Variants in SLC12A6 observed in about 807,000 individuals in gnomAD.
The protein encoded by SLC12A6 is solute carrier family 12 member 6.
A neutral mutation model predicts 135.3 loss-of-function variants in SLC12A6; 66 were observed. That is an observed-to-expected ratio of 0.49 (90% CI 0.40 to 0.60). SLC12A6 has a LOEUF of 0.60. Ranked by LOEUF, SLC12A6 falls within the 20% of genes least tolerant of loss-of-function variation. SLC12A6 has a pLI of 0.00. For synonymous variants in SLC12A6, 513 were observed against 508.8 expected (o/e 1.01, Z -0.11); for missense variants, 1,058 against 1,452.3 (o/e 0.73, Z 4.41).
chr15:34,249,274 A>T (rs1892219696), intron 13 of SLC12A6, among the ~76,000 whole-genome samples: 2 of 152,188 alleles, frequency 1.3e-5, no homozygotes. Flanking sequence ...ATAATAGCGG[A>T]AAGGGCTGGG....
chr15:34,235,946 C>T, intron 24 of SLC12A6, 69 bp downstream of exon 24: 1 of 1,209,668 alleles, frequency 8.3e-7, no homozygotes, highest in Non-Finnish European at 1.2e-6. Context: ...TCCTGTGTGT[C>T]CAGGCAAAGT....
chr15:34,300,026 A>G (rs1288217239), intron 2 of SLC12A6, among the ~76,000 whole-genome samples: 1 of 152,200 alleles, frequency 6.6e-6, no homozygotes, highest in Non-Finnish European at 1.5e-5. Flanking sequence ...AGACTAAATG[A>G]GCAAAAATCG....
chr15:34,277,127 C>A (rs2075874858), intron 2 of SLC12A6, among the ~76,000 whole-genome samples: 1 of 152,162 alleles, frequency 6.6e-6, no homozygotes, highest in Non-Finnish European at 1.5e-5. Context: ...ACTTATCTTA[C>A]TTCCCATCTA....
chr15:34,242,578 C>G (rs1439935300), intron 16 of SLC12A6, among the ~76,000 whole-genome samples: 2 of 152,196 alleles, frequency 1.3e-5, no homozygotes, highest in East Asian at 1.9e-4. Context: ...TATCAGTCAT[C>G]TGCAGTTATG....
At position 34,233,947 on chromosome 15, in the gene SLC12A6, G is replaced by C. The variant is rs777174639; in HGVS notation, c.3387C>G (p.Thr1129=). ...CAAGTAGGACTCGCTCTAGTCCCTC[G>C]GTAAGCACCTCTAGGAACTCCATGT... is the stretch of plus-strand genomic sequence containing the variant. ...ENYMEFLEVL[T]EGLERVLLVR... Residue 1129 remains threonine, a synonymous_variant, in exon 26 of 26, where the codon ACC becomes ACG. Transcript: ENST00000354181. The C allele has an allele frequency of 1.5e-5, 24 of 1,601,452 alleles. No individual in the cohort carries two copies. Among genetic ancestry groups the C allele is most frequent in the Non-Finnish European group, 2.0e-5 (23 of 1,168,606 alleles).
In SLC12A6 at chr15:34,300,789, G is replaced by T. The variant is rs112804111; in HGVS notation, c.272-25400C>A. On this transcript the variant is annotated intron_variant, in intron 2 of 25. Coordinates refer to ENST00000354181, the MANE Select transcript of SLC12A6 (RefSeq NM_001365088.1). ...CTGGCCTGGGAGACAGAGTGACTCC[G>T]TCTCAAAAAAAAAAAAAAAAAAAAA... 7.1e-5 allele frequency among the ~76,000 whole-genome samples: 7 copies of T among 98,386 alleles called. No individual in the cohort carries two copies. The East Asian group carries it at 1.6e-3, about 23-fold the overall frequency. 64.5% of individuals were successfully genotyped at this position (98,386 alleles called of 152,430 possible). A position where few individuals can be genotyped will look rare whatever the true frequency, so the allele number is the denominator to read the frequency against.
chr15:34,336,347 G>C (rs75634510), intron 2 of SLC12A6, 63 bp downstream of exon 2: 1 of 1,259,666 alleles, frequency 7.9e-7, no homozygotes, highest in Non-Finnish European at 1.2e-6. Flanking sequence ...CAGATCCATA[G>C]ATGGTCATCT....
At chr15:34,247,933 G>A (rs1311519835) in intron 13 of SLC12A6, among the ~76,000 whole-genome samples, 2 of 152,146 alleles carry the variant, frequency 1.3e-5, no homozygotes, top group Admixed American at 6.5e-5. Context: ...GGGAACTCCT[G>A]ACCTCAAACA....
chr15:34,291,540 T>C (rs1366313731), intron 2 of SLC12A6, among the ~76,000 whole-genome samples: 2 of 152,212 alleles, frequency 1.3e-5, no homozygotes, highest in African/African-American at 4.8e-5. Context: ...CCTTGCTAGG[T>C]TGGGGATGTT....
chr15:34,245,796 A>G lies in SLC12A6; in HGVS notation c.1721T>C (p.Ile574Thr), dbSNP rs775386922. 28 of 1,613,544 alleles carry G rather than the reference A, an allele frequency of 1.7e-5. No homozygotes were observed. Among genetic ancestry groups the G allele is most frequent in the Admixed American group, 3.3e-5 (2 of 60,006 alleles). Residue 574 changes from isoleucine to threonine, a missense_variant, in exon 14 of 26, where the codon ATT becomes ACT. Physicochemically the swap from Ile to Thr is moderately conservative, Grantham distance 89. Transcript: ENST00000354181. ...LSWPSPWVIV[I>T]GSFFSTCGAG... is the part of the protein sequence containing the mutation. The stretch of plus-strand genomic sequence containing the variant: ...CCCACATGTTGAAAAGAAGGAGCCA[A>G]TAACAATCACCCATGGGGATGGCCA...
At chr15:34,261,125 T>G in intron 3 of SLC12A6, 105 bp from the exon 4 acceptor site, 2 of 729,284 alleles carry the variant, frequency 2.7e-6, no homozygotes, top group East Asian at 2.5e-5. Flanking sequence ...TAACCCATTT[T>G]CATATTCAAA....
chr15:34,336,373 G>A (rs1435044677), intron 2 of SLC12A6, 37 bp downstream of exon 2: 3 of 1,545,356 alleles, frequency 1.9e-6, no homozygotes, highest in Non-Finnish European at 2.7e-6. Flanking sequence ...AAAGAACCCA[G>A]TAATGAAAGT....
chr15:34,269,896 G>A (rs547971942), intron 3 of SLC12A6, among the ~76,000 whole-genome samples: 4 of 152,250 alleles, frequency 2.6e-5, no homozygotes, highest in East Asian at 1.9e-4. Context: ...AATTGTTGAT[G>A]AGTAATGCCT....
chr15:34,334,070 C>CAA (rs142330391), intron 2 of SLC12A6, among the ~76,000 whole-genome samples: 11 of 80,078 alleles, frequency 1.4e-4, no homozygotes, highest in Admixed American at 2.7e-4. Flanking sequence ...AACTCCATCT[C>CAA]AAAAAAAAAA....
intron 12 of SLC12A6, 136 bp from the exon 13 acceptor site, chr15:34,250,491 T>C: frequency 1.2e-6 from 1 of 835,292 alleles, no homozygotes; most frequent in South Asian, 1.4e-5. Context: ...GAATTTTCTA[T>C]ATGAGGTAGG....
chr15:34,320,203 C>T (rs878998626), intron 2 of SLC12A6, among the ~76,000 whole-genome samples: 1 of 152,196 alleles, frequency 6.6e-6, no homozygotes, highest in Middle Eastern at 3.2e-3. Flanking sequence ...TATACCACTT[C>T]TTGCAGCACT....
At chr15:34,305,090 T>C (rs1353921142) in intron 2 of SLC12A6, among the ~76,000 whole-genome samples, 5 of 152,186 alleles carry the variant, frequency 3.3e-5, no homozygotes, top group Non-Finnish European at 7.4e-5. Flanking sequence ...GTTTCCAGTG[T>C]TGTGAATTAG....
At chr15:34,266,444 A>C (rs376726514) in intron 3 of SLC12A6, among the ~76,000 whole-genome samples, 1 of 151,948 alleles carries the variant, frequency 6.6e-6, no homozygotes, top group Admixed American at 6.6e-5. Context: ...TTTATTTATC[A>C]TTATTATTAT....
Position 34,236,736 on chromosome 15 carries a change from C to T in SLC12A6, c.3014G>A (p.Arg1005Gln), listed in dbSNP as rs1566799584. 4 of 1,606,686 alleles carry T rather than the reference C, an allele frequency of 2.5e-6. No homozygotes were observed. The Middle Eastern group carries it at 6.6e-4, about 265-fold the overall frequency. The change falls in exon 23 of 26, where the codon CGG (arginine) becomes CAG (glutamine). Residue 1005 changes from arginine (R) to glutamine (Q), a missense_variant. Transcript: ENST00000354181. ...EQRSQMLRHMRLSKTERDREA... is the reference protein window; with the variant it reads ...EQRSQMLRHMQLSKTERDREA... ...TCTGTCTCGCTCTGTTTTGGATAGC[C>T]GCATGTGCCGGAGCATCTGGGACCT...
Sources: allele counts gnomAD v4.1 joint callset (sites outside exome capture counted in the v4.1 genomes callset), GRCh38; gene constraint gnomAD v4.1.1; transcripts MANE v1.5; gene names NCBI Gene and HGNC (gene_info 2026-07-23, HGNC 2026-07-21).